The following DGKI variants were observed in gnomAD, a reference collection of about 807,000 sequenced individuals.
The protein encoded by DGKI is DAG kinase iota.
DGKI carries 55 observed loss-of-function variants against 147.5 expected under a neutral mutation model. The ratio of observed to expected loss-of-function variants is 0.37; its 90% CI spans 0.30 to 0.47. The LOEUF is 0.47. Among genes scored for constraint, DGKI ranks in the 20% least tolerant of loss-of-function variants. The probability of loss-of-function intolerance (pLI) is 1.00; values close to 1 mark genes in which losing one functional copy is unlikely to be tolerated. For missense variants in DGKI, 1,007 were observed against 1,323.8 expected, an observed-to-expected ratio of 0.76 and a Z score of 3.71; for synonymous variants, 469 against 477.1, an observed-to-expected ratio of 0.98 and a Z score of 0.22.
At chr7:137,457,564 G>A (rs1237799024) in intron 27 of DGKI, among the ~76,000 whole-genome samples, 1 of 152,012 alleles carries the variant, frequency 6.6e-6, no homozygotes, top group African/African-American at 2.4e-5. Context: ...GAGGTCTCCG[G>A]GCTTTATCTT....
At chr7:137,845,793 G>A (rs1458814811) in intron 1 of DGKI, among the ~76,000 whole-genome samples, 1 of 152,050 alleles carries the variant, frequency 6.6e-6, no homozygotes, top group Non-Finnish European at 1.5e-5. Flanking sequence ...GCTTGCCAGC[G>A]GGCTCCCCAC....
intron 19 of DGKI, among the ~76,000 whole-genome samples, chr7:137,565,814 A>G (rs1219118626): frequency 2.0e-5 from 3 of 152,214 alleles, no homozygotes; most frequent in Admixed American, 6.5e-5. Flanking sequence ...AACTCCAAAA[A>G]GGTAATCAGA....
rs556325713 is a variant in DGKI, at chr7:137,772,645, C to CA, written c.401+73816dup. Among the ~76,000 whole-genome samples the CA allele has an allele frequency of 2.5e-3, 372 of 149,864 alleles. 1 individual carries two copies. The highest frequency in any genetic ancestry group is 0.014 in the South Asian group (66 of 4,728). ...GGTTTCATCACATGTATTGCTAATT[C>CA]AAAAAAAAAGAAGAAGAAAAAGAAT... is the stretch of plus-strand genomic sequence containing the variant. On this transcript the variant is annotated intron_variant, in intron 1 of 32. Transcript: ENST00000614521.
intron 23 of DGKI, among the ~76,000 whole-genome samples, chr7:137,471,843 C>T (rs2128928981): frequency 6.8e-6 from 1 of 146,766 alleles, no homozygotes; most frequent in African/African-American, 2.5e-5. Context: ...ATCCATATAG[C>T]TATGGATACA....
chr7:137,845,200 G>A (rs1268410196), intron 1 of DGKI, among the ~76,000 whole-genome samples: 1 of 152,228 alleles, frequency 6.6e-6, no homozygotes, highest in African/African-American at 2.4e-5. Flanking sequence ...CGTTTTAGGA[G>A]TCATCAGAAG....
intron 6 of DGKI, among the ~76,000 whole-genome samples, chr7:137,632,785 G>C (rs1034709673): frequency 1.3e-5 from 2 of 152,130 alleles, no homozygotes; most frequent in African/African-American, 4.8e-5. Context: ...CTTGAACCCA[G>C]GGAGCAGAGG....
intron 28 of DGKI, among the ~76,000 whole-genome samples, chr7:137,418,547 T>C (rs1466674649): frequency 1.3e-5 from 2 of 152,224 alleles, no homozygotes; most frequent in African/African-American, 4.8e-5. Context: ...TGATTCTCAA[T>C]AAAGCAACTG....
intron 6 of DGKI, among the ~76,000 whole-genome samples, chr7:137,628,408 C>G (rs1308167659): frequency 6.6e-6 from 1 of 152,170 alleles, no homozygotes; most frequent in Non-Finnish European, 1.5e-5. Context: ...TCGGGCTTAT[C>G]ATCTAACACA....
At chr7:137,545,523 T>A (rs935177236) in intron 20 of DGKI, among the ~76,000 whole-genome samples, 10 of 151,972 alleles carry the variant, frequency 6.6e-5, no homozygotes, top group African/African-American at 2.2e-4. Context: ...AATCTTAAGG[T>A]TTCATCCAGA....
intron 1 of DGKI, among the ~76,000 whole-genome samples, chr7:137,693,844 A>C (rs1823691705): frequency 6.6e-6 from 1 of 152,248 alleles, no homozygotes; most frequent in Non-Finnish European, 1.5e-5. Context: ...GCTCTTTAAA[A>C]ATAAATGCAA....
chr7:137,540,787 AAC>A (rs1817672393), intron 20 of DGKI, among the ~76,000 whole-genome samples: 4 of 140,422 alleles, frequency 2.8e-5, no homozygotes, highest in Admixed American at 6.9e-5. Flanking sequence ...AAAAAAAAAA[AAC>A]ATTTACAATG....
At chr7:137,692,707 C>A (rs1484545051) in intron 1 of DGKI, among the ~76,000 whole-genome samples, 2 of 152,156 alleles carry the variant, frequency 1.3e-5, no homozygotes, top group African/African-American at 4.8e-5. Flanking sequence ...AAGAGACATA[C>A]AAACATTTAA....
intron 32 of DGKI, among the ~76,000 whole-genome samples, chr7:137,394,161 C>T (rs1331130294): frequency 1.3e-5 from 2 of 152,132 alleles, no homozygotes; most frequent in Non-Finnish European, 2.9e-5. Flanking sequence ...CAGAGCTTAT[C>T]AGAATCCTCT....
At chr7:137,703,438 C>A (rs905300356) in intron 1 of DGKI, among the ~76,000 whole-genome samples, 4 of 152,222 alleles carry the variant, frequency 2.6e-5, no homozygotes, top group Non-Finnish European at 5.9e-5. Flanking sequence ...TAATGTCCCA[C>A]TTCTGGCTAA....
intron 1 of DGKI, among the ~76,000 whole-genome samples, chr7:137,810,990 T>C (rs544439653): frequency 6.6e-6 from 1 of 152,320 alleles, no homozygotes; most frequent in Non-Finnish European, 1.5e-5. Context: ...AGATGTAGAA[T>C]GGAAATAATC....
chr7:137,504,738 A>G (rs569783555), intron 21 of DGKI, among the ~76,000 whole-genome samples: 1 of 152,196 alleles, frequency 6.6e-6, no homozygotes, highest in Non-Finnish European at 1.5e-5. Context: ...TAAGAAACCA[A>G]TAGCCTTTTA....
At chr7:137,503,740 T>C (rs141020095) in intron 21 of DGKI, among the ~76,000 whole-genome samples, 146 of 152,308 alleles carry the variant, frequency 9.6e-4, no homozygotes, top group African/African-American at 3.4e-3. Context: ...CAATATAGTA[T>C]GTAAAGGCCC....
At chr7:137,720,939 T>A (rs927905345) in intron 1 of DGKI, among the ~76,000 whole-genome samples, 7 of 152,226 alleles carry the variant, frequency 4.6e-5, no homozygotes, top group Non-Finnish European at 1.0e-4. Flanking sequence ...ATTTTATGTA[T>A]CTTTCCAGAA....
rs140956428 is a variant in DGKI, at chr7:137,501,030, G to A, written c.2249-13341C>T. ...TCTCTTCACTTCCCCTTACCCCTAC[G>A]CTTCCAAGTCTCTGGTAATCACTAT... On this transcript the variant is annotated intron_variant, in intron 21 of 32. Coordinates refer to ENST00000614521, the MANE Select transcript of DGKI (RefSeq NM_001321708.2). Among the ~76,000 whole-genome samples the A allele has an allele frequency of 2.1e-4, 32 of 151,876 alleles. No homozygotes were observed. In the East Asian group the frequency reaches 2.9e-3, roughly 14 times the overall value.
Sources: allele counts gnomAD v4.1 joint callset (sites outside exome capture counted in the v4.1 genomes callset), GRCh38; gene constraint gnomAD v4.1.1; transcripts MANE v1.5; gene names NCBI Gene and HGNC (gene_info 2026-07-23, HGNC 2026-07-21).